Variants in GLIS3 observed in about 807,000 individuals in gnomAD.
GLIS3 encodes zinc finger protein GLIS3.
GLIS3 carries 53 observed loss-of-function variants against 78.6 expected under a neutral mutation model. The ratio of observed to expected loss-of-function variants is 0.67; its 90% CI spans 0.54 to 0.85. GLIS3 has a LOEUF of 0.85. GLIS3 is among the 40% of genes least tolerant of loss of function. The probability of loss-of-function intolerance (pLI) is 0.00; values close to 1 mark genes in which losing one functional copy is unlikely to be tolerated. For missense variants in GLIS3, 1,703 were observed against 1,231.1 expected, an observed-to-expected ratio of 1.38 and a Z score of -5.74; for synonymous variants, 684 against 509.9, an observed-to-expected ratio of 1.34 and a Z score of -4.60.
intron 2 of GLIS3, among the ~76,000 whole-genome samples, chr9:4,158,180 G>T (rs1171874761): frequency 6.6e-6 from 1 of 152,052 alleles, no homozygotes; most frequent in Non-Finnish European, 1.5e-5. Flanking sequence ...ATTCTGTCGA[G>T]AATTCCTTCT....
At chr9:4,152,172 AC>A in intron 2 of GLIS3, 1 of 961,680 alleles carries the variant, frequency 1.0e-6, no homozygotes, top group Non-Finnish European at 1.2e-6. Flanking sequence ...ACACCCTTCA[AC>A]CATAAAGGAT....
chr9:3,834,706 T>C (rs1456099360), intron 9 of GLIS3, among the ~76,000 whole-genome samples: 1 of 152,230 alleles, frequency 6.6e-6, no homozygotes, highest in Non-Finnish European at 1.5e-5. Context: ...TTTTAATACA[T>C]CTATCTTTTC....
Position 4,118,521 on chromosome 9 carries a change from G to T in GLIS3, c.957C>A (p.Ile319=). ...SDGIGIDFNT[I]IRTSPTSLVA... ...CCAAGGACGTGGGCGACGTGCGGAT[G>T]ATGGTATTGAAATCTATCCCGATGC... is the stretch of plus-strand genomic sequence containing the variant. The change falls in exon 4 of 11, where the codon ATC becomes ATA. Residue 319 remains isoleucine, a synonymous_variant. Coordinates refer to ENST00000381971, the MANE Select transcript of GLIS3 (RefSeq NM_001042413.2). This position sits in a 1 kb window ranked among gnomAD's most constrained non-coding sequence, Gnocchi z 4.7. 1 of 1,614,254 alleles carries T rather than the reference G, an allele frequency of 6.2e-7. No homozygotes were observed. The highest frequency in any genetic ancestry group is 8.5e-7 in the Non-Finnish European group (1 of 1,180,034).
chr9:4,452,838 A>G, the GLIS3 span, among the ~76,000 whole-genome samples: 1 of 152,210 alleles, frequency 6.6e-6, no homozygotes, highest in African/African-American at 2.4e-5. Flanking sequence ...GAACCAAAAA[A>G]GAGCCCATAT....
At chr9:4,431,560 T>A in the GLIS3 span, among the ~76,000 whole-genome samples, 2 of 152,164 alleles carry the variant, frequency 1.3e-5, no homozygotes, top group African/African-American at 2.4e-5. Flanking sequence ...AAAGGCCATA[T>A]AGGGCCAGGC....
chr9:4,297,108 C>G (rs1563916525), intron 1 of GLIS3, among the ~76,000 whole-genome samples: 1 of 149,228 alleles, frequency 6.7e-6, no homozygotes, highest in Non-Finnish European at 1.5e-5. Context: ...CAACACAAGT[C>G]GATTTTGTAC....
At chr9:4,259,568 C>T (rs948531368) in intron 2 of GLIS3, among the ~76,000 whole-genome samples, 1 of 152,212 alleles carries the variant, frequency 6.6e-6, no homozygotes, top group African/African-American at 2.4e-5. Context: ...CCCCATAATC[C>T]TATCCCTTCG....
chr9:4,194,680 G>C (rs1377623340), intron 2 of GLIS3, among the ~76,000 whole-genome samples: 1 of 152,188 alleles, frequency 6.6e-6, no homozygotes, highest in Non-Finnish European at 1.5e-5. Flanking sequence ...CCCTGTGGCA[G>C]CATCTCGCTG....
chr9:4,367,949 G>A, the GLIS3 span, among the ~76,000 whole-genome samples: 1 of 152,216 alleles, frequency 6.6e-6, no homozygotes, highest in East Asian at 1.9e-4. Context: ...GTGTAGCTTG[G>A]CCAAACCTAT....
intron 7 of GLIS3, among the ~76,000 whole-genome samples, chr9:3,891,157 A>C (rs1048478554): frequency 6.6e-6 from 1 of 151,820 alleles, no homozygotes; most frequent in African/African-American, 2.4e-5. Context: ...TCTGTTCTCT[A>C]ATTTTCAGAA....
At chr9:4,099,939 C>T (rs963944987) in intron 4 of GLIS3, among the ~76,000 whole-genome samples, 1 of 152,262 alleles carries the variant, frequency 6.6e-6, no homozygotes, top group East Asian at 1.9e-4. Flanking sequence ...AATCTCTTCA[C>T]TTGGGCAATT....
intron 2 of GLIS3, among the ~76,000 whole-genome samples, chr9:4,251,200 G>A (rs1331622860): frequency 1.3e-5 from 2 of 152,182 alleles, no homozygotes; most frequent in Non-Finnish European, 2.9e-5. Context: ...AATATTGGCA[G>A]TGTGCTGTTA....
chr9:4,115,982 A>C (rs545910821), intron 4 of GLIS3, among the ~76,000 whole-genome samples: 9 of 152,320 alleles, frequency 5.9e-5, no homozygotes, highest in African/African-American at 2.2e-4. Context: ...ACATTAACCT[A>C]TCAGCTTATT....
intron 4 of GLIS3, among the ~76,000 whole-genome samples, chr9:3,940,983 G>T (rs915490669): frequency 6.6e-6 from 1 of 152,172 alleles, no homozygotes; most frequent in East Asian, 1.9e-4. Context: ...CGCTGGCATC[G>T]CCTGGGAACT....
At chr9:3,900,120 T>C (rs565263109) in intron 6 of GLIS3, among the ~76,000 whole-genome samples, 1 of 141,808 alleles carries the variant, frequency 7.1e-6, no homozygotes, top group South Asian at 2.2e-4. Flanking sequence ...AAACCAGAGA[T>C]AAAAGGTGGG....
chr9:4,252,596 G>A (rs1375984407), intron 2 of GLIS3, among the ~76,000 whole-genome samples: 2 of 152,086 alleles, frequency 1.3e-5, no homozygotes, highest in Non-Finnish European at 2.9e-5. Context: ...GCCACCTTCT[G>A]AAGCCTACTT....
intron 2 of GLIS3, among the ~76,000 whole-genome samples, chr9:4,268,298 T>C (rs1826200437): frequency 6.6e-6 from 1 of 152,156 alleles, no homozygotes; most frequent in Non-Finnish European, 1.5e-5. Context: ...TGAGATAATC[T>C]CTCATTTAAA....
intron 2 of GLIS3, among the ~76,000 whole-genome samples, chr9:4,191,238 C>T (rs539928931): frequency 8.0e-4 from 122 of 151,906 alleles, no homozygotes; most frequent in African/African-American, 2.1e-3. Flanking sequence ...CACAGACTGG[C>T]AAATTGTATG....
chr9:4,294,496 C>T (rs1001388487), intron 1 of GLIS3, among the ~76,000 whole-genome samples: 3 of 149,316 alleles, frequency 2.0e-5, no homozygotes, highest in African/African-American at 7.4e-5. Context: ...GCAGCAAGAG[C>T]GAAATTATGT....
Sources: allele counts gnomAD v4.1 joint callset (sites outside exome capture counted in the v4.1 genomes callset), GRCh38; gene constraint gnomAD v4.1.1; non-coding constraint Gnocchi (gnomAD v3.1); transcripts MANE v1.5; gene names NCBI Gene and HGNC (gene_info 2026-07-23, HGNC 2026-07-21).